MPRIP: variants seen among roughly 807,000 people sequenced by gnomAD.
The protein encoded by MPRIP is myosin phosphatase Rho interacting protein.
A neutral mutation model predicts 234.9 loss-of-function variants in MPRIP; 59 were observed. The observed-to-expected ratio is 0.25, with a 90% confidence interval of 0.20 to 0.31. The LOEUF is 0.31. Among genes scored for constraint, MPRIP ranks in the 10% least tolerant of loss-of-function variants. The pLI, the probability that MPRIP is intolerant of heterozygous loss-of-function variation, is 1.00. For missense variants in MPRIP, 2,436 were observed against 3,071.0 expected (o/e 0.79, Z 4.89); for synonymous variants, 1,144 against 1,263.9 (o/e 0.91, Z 2.01).
Position 17,053,656 on chromosome 17 carries a change from C to T in MPRIP, c.123+10685C>T, listed in dbSNP as rs529780495. ...GGTCCCCATCCCTCTTAGGTTACTG[C>T]AGAGAAAACAGCCCAGGGAGGGGAC... On this transcript the variant is annotated intron_variant, in intron 1 of 23. Coordinates refer to ENST00000651222, the MANE Select transcript of MPRIP (RefSeq NM_001364716.4). Among the ~76,000 whole-genome samples, 5 of 152,326 alleles carry T rather than the reference C, an allele frequency of 3.3e-5. No homozygotes were observed. The East Asian group carries it at 9.7e-4, about 29-fold the overall frequency.
chr17:17,066,487 C>G (rs2089027931), intron 1 of MPRIP, among the ~76,000 whole-genome samples: 1 of 152,108 alleles, frequency 6.6e-6, no homozygotes, highest in Non-Finnish European at 1.5e-5. Flanking sequence ...AATAAACCCC[C>G]TTGGTCATGG....
intron 1 of MPRIP, among the ~76,000 whole-genome samples, chr17:17,047,440 C>CA (rs1477063818): frequency 6.6e-6 from 1 of 151,944 alleles, no homozygotes; most frequent in Non-Finnish European, 1.5e-5. Flanking sequence ...GCCTACTTTC[C>CA]AAGATTTGTA....
intron 3 of MPRIP, among the ~76,000 whole-genome samples, chr17:17,083,497 C>T (rs1456014112): frequency 6.6e-6 from 1 of 152,180 alleles, no homozygotes; most frequent in African/African-American, 2.4e-5. Context: ...GTATTAAAGC[C>T]ATGAGCAGCC....
intron 3 of MPRIP, among the ~76,000 whole-genome samples, chr17:17,097,916 A>G (rs2089882001): frequency 6.6e-6 from 1 of 152,210 alleles, no homozygotes; most frequent in African/African-American, 2.4e-5. Context: ...GTCTTTGAGA[A>G]CCGAGGTAGC....
chr17:17,055,764 C>T (rs992801381), intron 1 of MPRIP, among the ~76,000 whole-genome samples: 3 of 152,182 alleles, frequency 2.0e-5, no homozygotes, highest in Non-Finnish European at 2.9e-5. Flanking sequence ...CCAGCTAGCA[C>T]CTGGCCTTCT....
At chr17:17,182,005 T>G (rs948675127) in intron 23 of MPRIP, 2 of 152,258 alleles carry the variant, frequency 1.3e-5, no homozygotes, top group Non-Finnish European at 2.9e-5. Flanking sequence ...TAAAAATCCT[T>G]GGAGTGCAGG....
At chr17:17,065,543 C>T (rs1056227576) in intron 1 of MPRIP, among the ~76,000 whole-genome samples, 3 of 152,240 alleles carry the variant, frequency 2.0e-5, no homozygotes, top group Admixed American at 2.0e-4. Context: ...ATGTGTCTGA[C>T]TTTCCACCAA....
At chr17:17,110,741 G>A (rs2090152759) in intron 3 of MPRIP, among the ~76,000 whole-genome samples, 2 of 152,300 alleles carry the variant, frequency 1.3e-5, no homozygotes, top group African/African-American at 4.8e-5. Context: ...TGAGAACAAC[G>A]TCAGACAAAC....
Position 17,072,720 on chromosome 17 carries a change from G to A in MPRIP, c.124-2990G>A, listed in dbSNP as rs551180043. The stretch of plus-strand genomic sequence containing the variant: ...GGCTGTGAGAGGCAAGAGTGGTGGT[G>A]ATATAGCTGGCCAGTTCCTGTCCCT... On this transcript the variant is annotated intron_variant, in intron 1 of 23. Coordinates refer to ENST00000651222, the MANE Select transcript of MPRIP (RefSeq NM_001364716.4). Among the ~76,000 whole-genome samples the A allele has an allele frequency of 3.2e-4, 49 of 152,098 alleles. 1 individual carries two copies. The highest frequency in any genetic ancestry group is 6.3e-4 in the Non-Finnish European group (43 of 68,010).
At chr17:17,077,765 A>AAAAAG (rs1597763054) in intron 2 of MPRIP, 3 of 463,146 alleles carry the variant, frequency 6.5e-6, no homozygotes, top group African/African-American at 5.9e-5. Context: ...AAAAAAAAAA[A>AAAAAG]AAAAAAGACT....
intron 1 of MPRIP, among the ~76,000 whole-genome samples, chr17:17,072,091 T>TG (rs918893506): frequency 1.3e-5 from 2 of 152,220 alleles, no homozygotes; most frequent in African/African-American, 4.8e-5. Flanking sequence ...TTAGAGGTGC[T>TG]GCCCCAGGAC....
In MPRIP at chr17:17,164,076, G is replaced by A. The variant is rs946888989; in HGVS notation, c.2518-33G>A. Reference sequence around the variant, plus strand: ...ACACTCAGAACTGGGAGGCCCGAGTGTTACTAACCAGTATTTAATCGGTTT... The same window carrying A: ...ACACTCAGAACTGGGAGGCCCGAGTATTACTAACCAGTATTTAATCGGTTT... On this transcript the variant is annotated intron_variant, in intron 15 of 23. Transcript: ENST00000651222. 1.5e-5 allele frequency: 19 copies of A among 1,294,820 alleles called. No homozygotes were observed. The Admixed American group carries it at 4.1e-4, about 28-fold the overall frequency. The allele number at this position is 1,294,820 out of a possible 1,614,324, so 80.2% of individuals were successfully genotyped here.
chr17:17,179,579 T>C (rs2046330107), intron 22 of MPRIP: 1 of 156,866 alleles, frequency 6.4e-6, no homozygotes, highest in African/African-American at 2.4e-5. Context: ...GCTATCTGGG[T>C]GGGTGGACAA....
Position 17,175,364 on chromosome 17 carries a change from G to A in MPRIP, c.6822G>A (p.Glu2274=), listed in dbSNP as rs1288318753. The part of the protein sequence containing the change: ...RTLLTGDGGG[E]ATGSPLAQGK... ...TGCTGACTGGGGACGGCGGTGGGGAGGCCACTGGGTCACCCCTTGCACAGG... is the reference window on the plus strand; with the variant it reads ...TGCTGACTGGGGACGGCGGTGGGGAAGCCACTGGGTCACCCCTTGCACAGG... Residue 2274 remains glutamate, a synonymous_variant, in exon 20 of 24, where the codon GAG becomes GAA. Coordinates refer to ENST00000651222, the MANE Select transcript of MPRIP (RefSeq NM_001364716.4). 6.2e-7 allele frequency: 1 copy of A among 1,613,320 alleles called. No individual in the cohort carries two copies. The highest frequency in any genetic ancestry group is 2.2e-5 in the East Asian group (1 of 44,882).
chr17:17,051,495 G>T (rs1381260907), intron 1 of MPRIP, among the ~76,000 whole-genome samples: 1 of 152,244 alleles, frequency 6.6e-6, no homozygotes, highest in Non-Finnish European at 1.5e-5. Context: ...GTGCAGCTCT[G>T]GGCAAGGCAG....
At chr17:17,075,989 C>T in intron 2 of MPRIP, 2 of 531,536 alleles carry the variant, frequency 3.8e-6, no homozygotes, top group Non-Finnish European at 6.6e-6. Flanking sequence ...GTGCTCCCTT[C>T]AGAATGAGGA....
chr17:17,175,967 A>C (rs968374461), intron 20 of MPRIP, among the ~76,000 whole-genome samples: 6 of 152,334 alleles, frequency 3.9e-5, no homozygotes, highest in Admixed American at 3.3e-4. Flanking sequence ...TGAGAGGCCA[A>C]GGCTGGGAGG....
chr17:17,125,773 A>G (rs1290449918), intron 3 of MPRIP, among the ~76,000 whole-genome samples: 1 of 152,224 alleles, frequency 6.6e-6, no homozygotes, highest in Non-Finnish European at 1.5e-5. Context: ...CAGATGGATC[A>G]GAAGCATCTT....
intron 3 of MPRIP, among the ~76,000 whole-genome samples, chr17:17,112,494 G>A (rs535650811): frequency 3.3e-5 from 5 of 152,318 alleles, no homozygotes; most frequent in Admixed American, 6.5e-5. Context: ...TTTGGGGGAT[G>A]GTGGCCCTGC....
Sources: allele counts gnomAD v4.1 joint callset (sites outside exome capture counted in the v4.1 genomes callset), GRCh38; gene constraint gnomAD v4.1.1; transcripts MANE v1.5; gene names NCBI Gene and HGNC (gene_info 2026-07-23, HGNC 2026-07-21).